ADAMTS17: variants seen among roughly 807,000 people sequenced by gnomAD.
ADAMTS17 encodes A disintegrin and metalloproteinase with thrombospondin motifs 17.
In ADAMTS17, 113 loss-of-function variants were observed where a neutral mutation model predicts 141.5. The ratio of observed to expected loss-of-function variants is 0.80; its 90% CI spans 0.69 to 0.93. The LOEUF (loss-of-function observed/expected upper bound fraction) is 0.93, where lower values mean the gene tolerates loss of function less well. ADAMTS17 is among the 40% of genes least tolerant of loss of function. The pLI, the probability that ADAMTS17 is intolerant of heterozygous loss-of-function variation, is 0.00. For missense variants in ADAMTS17, 1,659 were observed against 1,517.9 expected, an observed-to-expected ratio of 1.09 and a Z score of -1.54; for synonymous variants, 768 against 630.6, an observed-to-expected ratio of 1.22 and a Z score of -3.27.
intron 7 of ADAMTS17, among the ~76,000 whole-genome samples, chr15:100,220,389 A>C (rs1029019241): frequency 1.3e-5 from 2 of 152,140 alleles, no homozygotes; most frequent in Non-Finnish European, 2.9e-5. Flanking sequence ...CGAACGCTTC[A>C]CTGTGAAAAT....
chr15:100,326,233 A>G (rs1464326998), intron 3 of ADAMTS17, among the ~76,000 whole-genome samples: 3 of 152,234 alleles, frequency 2.0e-5, no homozygotes, highest in African/African-American at 7.2e-5. Flanking sequence ...AACTTAAAGA[A>G]ACTCAAAGTA....
intron 8 of ADAMTS17, among the ~76,000 whole-genome samples, chr15:100,193,426 C>A (rs1041847982): frequency 1.3e-5 from 2 of 152,228 alleles, no homozygotes; most frequent in African/African-American, 4.8e-5. Flanking sequence ...CCGGGCTCAG[C>A]ACTGGGGGAG....
chr15:100,027,340 T>C (rs2061534811), intron 18 of ADAMTS17, among the ~76,000 whole-genome samples: 1 of 152,260 alleles, frequency 6.6e-6, no homozygotes, highest in African/African-American at 2.4e-5. Flanking sequence ...CATTTACATA[T>C]TATTTTTCAT....
chr15:100,114,987 A>G (rs2037022884), intron 13 of ADAMTS17, among the ~76,000 whole-genome samples: 1 of 152,240 alleles, frequency 6.6e-6, no homozygotes, highest in Admixed American at 6.5e-5. Context: ...GCAACCAAGG[A>G]AAGAACAACT....
rs1253562941 is a variant in ADAMTS17, at chr15:99,997,182, T to C, written c.2796+203A>G. On this transcript the variant is annotated intron_variant, in intron 19 of 21. Transcript: ENST00000268070. This position sits in a 1 kb window ranked among gnomAD's most constrained non-coding sequence, Gnocchi z 4.7. ...ACAGTCCTTCACTGTGGTGTTGACA[T>C]GTACATCATCAGAGACATGGTATCT... 6.6e-6 allele frequency among the ~76,000 whole-genome samples: 1 copy of C among 152,262 alleles called. No individual in the cohort carries two copies.
chr15:100,209,544 C>T (rs78544097), intron 7 of ADAMTS17, among the ~76,000 whole-genome samples: 7,171 of 152,042 alleles, frequency 0.047, 391 homozygotes, highest in African/African-American at 0.13. Context: ...CAGGGGAAGC[C>T]CTAGGACAAT....
intron 9 of ADAMTS17, among the ~76,000 whole-genome samples, chr15:100,153,707 T>G (rs967541883): frequency 2.0e-5 from 3 of 152,106 alleles, no homozygotes; most frequent in Non-Finnish European, 4.4e-5. Context: ...GGAGGTTACT[T>G]ACTACAATGC....
chr15:100,303,070 GTTAATAC>G (rs1861055897), intron 3 of ADAMTS17, among the ~76,000 whole-genome samples: 1 of 148,514 alleles, frequency 6.7e-6, no homozygotes, highest in African/African-American at 2.5e-5. Context: ...GATCATGTGA[GTTAATAC>G]TTAATAAACT....
At chr15:100,130,363 CAAAA>C (rs753208963) in intron 12 of ADAMTS17, among the ~76,000 whole-genome samples, 1 of 106,032 alleles carries the variant, frequency 9.4e-6, no homozygotes, top group South Asian at 3.1e-4. Context: ...GGCTCCATCT[CAAAA>C]AAAAAAAAAA....
In ADAMTS17 at chr15:100,061,403, G is replaced by C. The variant is rs114289055; in HGVS notation, c.2138-7349C>G. On this transcript the variant is annotated intron_variant, in intron 15 of 21. Coordinates refer to ENST00000268070, the MANE Select transcript of ADAMTS17 (RefSeq NM_139057.4). ...TCTCCAAGGCACAGCCGAGCTCCGT[G>C]ACTGGGAGCCACTATCGCGGATGCT... 6.1e-3 allele frequency among the ~76,000 whole-genome samples: 936 copies of C among 152,292 alleles called. 8 individuals carry two copies. Among genetic ancestry groups the C allele is most frequent in the African/African-American group, 0.022 (900 of 41,564 alleles).
At chr15:99,977,970 G>A (rs2060400994) in intron 20 of ADAMTS17, among the ~76,000 whole-genome samples, 2 of 152,186 alleles carry the variant, frequency 1.3e-5, no homozygotes, top group African/African-American at 2.4e-5. Context: ...TACAGCAGCC[G>A]AGCTGGAGCT....
chr15:100,271,072 G>A (rs1002814627), intron 4 of ADAMTS17, among the ~76,000 whole-genome samples: 2 of 152,032 alleles, frequency 1.3e-5, no homozygotes, highest in African/African-American at 4.8e-5. Context: ...GCATGTGTCA[G>A]AATTGTTTTC....
In ADAMTS17 at chr15:100,341,177, G is replaced by A. The variant is rs1029335046; in HGVS notation, c.312C>T (p.Ser104=). ...LQLRRDLRFL[S]RGFEVEEAGA... ...CCGCCTCCTCCACCTCGAAGCCTCG[G>A]GACAGGAAGCGCAGGTCGCGGCGCA... Residue 104 remains serine, a synonymous_variant, in exon 2 of 22, where the codon TCC becomes TCT. Transcript: ENST00000268070. 20 of 1,466,516 alleles carry A rather than the reference G, an allele frequency of 1.4e-5. No individual in the cohort carries two copies. Among genetic ancestry groups the A allele is most frequent in the Non-Finnish European group, 1.8e-5 (20 of 1,113,392 alleles). 90.8% of individuals were successfully genotyped at this position (1,466,516 alleles called of 1,614,324 possible). A position where few individuals can be genotyped will look rare whatever the true frequency, so the allele number is the denominator to read the frequency against.
intron 15 of ADAMTS17, among the ~76,000 whole-genome samples, chr15:100,091,219 G>A (rs994844831): frequency 2.0e-5 from 3 of 151,684 alleles, no homozygotes; most frequent in Non-Finnish European, 4.4e-5. Context: ...GCACCCTGGC[G>A]TCTCTCAGGC....
intron 7 of ADAMTS17, among the ~76,000 whole-genome samples, chr15:100,209,729 G>C (rs1411307823): frequency 6.6e-6 from 1 of 152,154 alleles, no homozygotes; most frequent in Non-Finnish European, 1.5e-5. Flanking sequence ...AAGGAAGATG[G>C]CCAGCCTCAG....
At chr15:100,205,630 G>A (rs2041514450) in intron 7 of ADAMTS17, among the ~76,000 whole-genome samples, 1 of 152,114 alleles carries the variant, frequency 6.6e-6, no homozygotes, top group African/African-American at 2.4e-5. Context: ...ACCAGAAATG[G>A]TCCCAGGCAG....
At chr15:100,313,560 G>T (rs1045310853) in intron 3 of ADAMTS17, among the ~76,000 whole-genome samples, 2 of 152,146 alleles carry the variant, frequency 1.3e-5, no homozygotes, top group Admixed American at 1.3e-4. Flanking sequence ...ATATTCATGA[G>T]GTAAAATAAG....
chr15:100,158,551 T>G (rs2039543636), intron 8 of ADAMTS17, among the ~76,000 whole-genome samples: 1 of 152,112 alleles, frequency 6.6e-6, no homozygotes, highest in South Asian at 2.1e-4. Context: ...TCTCCTGAGC[T>G]CCACTGAAAC....
intron 18 of ADAMTS17, among the ~76,000 whole-genome samples, chr15:100,038,991 G>A (rs2031008158): frequency 6.6e-6 from 1 of 152,350 alleles, no homozygotes; most frequent in Non-Finnish European, 1.5e-5. Flanking sequence ...GCCTGCTTAT[G>A]TGTAGGACTT....
Sources: allele counts gnomAD v4.1 joint callset (sites outside exome capture counted in the v4.1 genomes callset), GRCh38; gene constraint gnomAD v4.1.1; non-coding constraint Gnocchi (gnomAD v3.1); transcripts MANE v1.5; gene names NCBI Gene and HGNC (gene_info 2026-07-23, HGNC 2026-07-21).